ADTRP: variants seen among roughly 807,000 people sequenced by gnomAD.
The protein encoded by ADTRP is androgen-dependent TFPI-regulating protein.
A neutral mutation model predicts 27.0 loss-of-function variants in ADTRP; 20 were observed. The ratio of observed to expected loss-of-function variants is 0.74; its 90% CI spans 0.52 to 1.08. The LOEUF (loss-of-function observed/expected upper bound fraction) is 1.08. Among genes scored for constraint, ADTRP ranks in the 50% least tolerant of loss-of-function variants. ADTRP has a pLI of 0.00. For synonymous variants in ADTRP, 101 were observed against 105.2 expected, an observed-to-expected ratio of 0.96 and a Z score of 0.25; for missense variants, 251 against 275.0, an observed-to-expected ratio of 0.91 and a Z score of 0.62.
At chr6:11,738,345 C>G (rs995185310) in intron 3 of ADTRP, among the ~76,000 whole-genome samples, 3 of 152,194 alleles carry the variant, frequency 2.0e-5, no homozygotes, top group Non-Finnish European at 1.5e-5. Context: ...CGTTCCCAGT[C>G]AAGGCCACCT....
chr6:11,753,963 C>G (rs1388101530), intron 3 of ADTRP, among the ~76,000 whole-genome samples: 1 of 152,086 alleles, frequency 6.6e-6, no homozygotes, highest in Non-Finnish European at 1.5e-5. Flanking sequence ...GGAGGATGCA[C>G]CAACACACCC....
chr6:11,727,090 T>C (rs1243677427), intron 4 of ADTRP, among the ~76,000 whole-genome samples: 1 of 152,226 alleles, frequency 6.6e-6, no homozygotes, highest in African/African-American at 2.4e-5. Flanking sequence ...TGGTGCAATC[T>C]CGGCTCACTG....
rs140795688 is a variant in ADTRP at position 11,742,343 on chromosome 6, C to T, written c.391-6660G>A. On this transcript the variant is annotated intron_variant, in intron 3 of 5. Coordinates refer to ENST00000414691, the MANE Select transcript of ADTRP (RefSeq NM_032744.4). ...TTTTTAACTCTTTAATTTTTTCTCTCCCAATTAGCCCCATACATCTTTGAG... is the reference window on the plus strand; with the variant it reads ...TTTTTAACTCTTTAATTTTTTCTCTTCCAATTAGCCCCATACATCTTTGAG... 5.4e-3 allele frequency among the ~76,000 whole-genome samples: 818 copies of T among 152,130 alleles called. 6 individuals carry two copies. The highest frequency in any genetic ancestry group is 0.017 in the Middle Eastern group (5 of 294).
At chr6:11,752,982 C>A (rs183613988) in intron 3 of ADTRP, among the ~76,000 whole-genome samples, 1 of 152,058 alleles carries the variant, frequency 6.6e-6, no homozygotes, top group African/African-American at 2.4e-5. Context: ...GATAACAATG[C>A]GGAGAATTAA....
chr6:11,716,749 C>G (rs545837989), intron 5 of ADTRP, among the ~76,000 whole-genome samples: 1 of 136,720 alleles, frequency 7.3e-6, no homozygotes, highest in Non-Finnish European at 1.6e-5. Context: ...GGGTCTTCCT[C>G]TGTCACCCAG....
chr6:11,714,228 C>A lies in ADTRP; in HGVS notation c.*250G>T. ...GATTTTAACCAGAGACCATCCTCCA[C>A]GAAGGTCAAAGATAATTAATTCTGA... is the stretch of plus-strand genomic sequence containing the variant. On this transcript the variant is annotated 3_prime_UTR_variant, in exon 6 of 6. Transcript: ENST00000414691. 2.1e-6 allele frequency: 1 copy of A among 472,252 alleles called. No homozygotes were observed. The highest frequency in any genetic ancestry group is 3.8e-6 in the Non-Finnish European group (1 of 265,128). The allele number at this position is 472,252 out of a possible 1,614,324, so 29.3% of individuals were successfully genotyped here. A position where few individuals can be genotyped will look rare whatever the true frequency, so the allele number is the denominator to read the frequency against.
chr6:11,746,086 G>A lies in ADTRP; in HGVS notation c.391-10403C>T, dbSNP rs562113701. Among the ~76,000 whole-genome samples, 423 of 152,182 alleles carry A rather than the reference G, an allele frequency of 2.8e-3. 2 individuals carry two copies. The highest frequency in any genetic ancestry group is 4.2e-3 in the Non-Finnish European group (288 of 68,006). ...GATTTAGGCATGAGCCACCCCGCCC[G>A]TCCATGAACTTTTTTTTTCTTGCTA... On this transcript the variant is annotated intron_variant, in intron 3 of 5. Coordinates refer to ENST00000414691, the MANE Select transcript of ADTRP (RefSeq NM_032744.4).
intron 4 of ADTRP, among the ~76,000 whole-genome samples, chr6:11,734,812 T>G (rs1762497254): frequency 6.6e-6 from 1 of 152,170 alleles, no homozygotes; most frequent in Admixed American, 6.5e-5. Context: ...CACACATGAA[T>G]AGCTTGTGTG....
chr6:11,746,699 A>G (rs1310065971), intron 3 of ADTRP, among the ~76,000 whole-genome samples: 2 of 152,214 alleles, frequency 1.3e-5, no homozygotes, highest in Non-Finnish European at 2.9e-5. Flanking sequence ...GATGTGTCCA[A>G]TGTTGTGGAG....
intron 4 of ADTRP, among the ~76,000 whole-genome samples, chr6:11,735,291 T>G (rs1166885543): frequency 6.6e-6 from 1 of 152,210 alleles, no homozygotes. Context: ...GAAAGCAAGA[T>G]GAGTGGCTTT....
intron 1 of ADTRP, among the ~76,000 whole-genome samples, chr6:11,773,133 C>T (rs1222525533): frequency 2.0e-5 from 3 of 151,984 alleles, no homozygotes; most frequent in East Asian, 1.9e-4. Flanking sequence ...CAGAAATTGT[C>T]GGTGAGGTAT....
intron 3 of ADTRP, among the ~76,000 whole-genome samples, chr6:11,749,122 GA>G (rs1203555280): frequency 6.6e-6 from 1 of 152,190 alleles, no homozygotes; most frequent in African/African-American, 2.4e-5. Context: ...ACTAGAAAGT[GA>G]ACAGATTTGC....
intron 4 of ADTRP, among the ~76,000 whole-genome samples, chr6:11,730,673 A>G (rs1762354516): frequency 6.6e-6 from 1 of 152,184 alleles, no homozygotes; most frequent in Non-Finnish European, 1.5e-5. Flanking sequence ...TACCCTGGAG[A>G]GCACAGTATA....
chr6:11,765,794 C>G (rs1232460213), intron 3 of ADTRP, among the ~76,000 whole-genome samples: 1 of 152,062 alleles, frequency 6.6e-6, no homozygotes, highest in Non-Finnish European at 1.5e-5. Flanking sequence ...AATAAAAAAC[C>G]AAATGGAAAT....
chr6:11,754,284 A>T lies in ADTRP; in HGVS notation c.390+11990T>A, dbSNP rs140395340. 1.8e-3 allele frequency among the ~76,000 whole-genome samples: 281 copies of T among 152,332 alleles called. 3 individuals are homozygous for T. Among genetic ancestry groups the T allele is most frequent in the African/African-American group, 6.4e-3 (267 of 41,578 alleles). ...CCATTGTAAAGTTTTAGAGGAAATGATAAATCCAGCAAATGCATGAGAGTG... is the reference window on the plus strand; with the variant it reads ...CCATTGTAAAGTTTTAGAGGAAATGTTAAATCCAGCAAATGCATGAGAGTG... On this transcript the variant is annotated intron_variant, in intron 3 of 5. Coordinates refer to ENST00000414691, the MANE Select transcript of ADTRP (RefSeq NM_032744.4).
At position 11,771,388 on chromosome 6, in the gene ADTRP, G is replaced by C. The variant is rs754864422; in HGVS notation, c.154-3005C>G. On this transcript the variant is annotated intron_variant, in intron 1 of 5. Transcript: ENST00000414691. Reference sequence around the variant, plus strand: ...GAGGGAGGCACTAGGGAGCCGCCAAGGAAAAGAAACCTGCAAGAGCTGGGG... The same window carrying C: ...GAGGGAGGCACTAGGGAGCCGCCAACGAAAAGAAACCTGCAAGAGCTGGGG... Among the ~76,000 whole-genome samples, 64 of 152,192 alleles carry C rather than the reference G, an allele frequency of 4.2e-4. 2 individuals are homozygous for C. The highest frequency in any genetic ancestry group is 1.0e-4 in the Non-Finnish European group (7 of 68,040).
chr6:11,726,021 T>C (rs1172140288), intron 4 of ADTRP, among the ~76,000 whole-genome samples: 1 of 151,872 alleles, frequency 6.6e-6, no homozygotes, highest in African/African-American at 2.4e-5. Context: ...CACTGATAGA[T>C]GAATGGATAA....
chr6:11,745,977 G>C (rs955955334), intron 3 of ADTRP, among the ~76,000 whole-genome samples: 1 of 152,138 alleles, frequency 6.6e-6, no homozygotes, highest in African/African-American at 2.4e-5. Context: ...TTTTAGTAGA[G>C]ATGGGGTTTC....
chr6:11,765,328 T>G (rs1763532687), intron 3 of ADTRP, among the ~76,000 whole-genome samples: 4 of 142,914 alleles, frequency 2.8e-5, no homozygotes, highest in South Asian at 2.3e-4. Flanking sequence ...GGTTTGTTTT[T>G]TTTTTTTTTT....
Sources: allele counts gnomAD v4.1 joint callset (sites outside exome capture counted in the v4.1 genomes callset), GRCh38; gene constraint gnomAD v4.1.1; transcripts MANE v1.5; gene names NCBI Gene and HGNC (gene_info 2026-07-23, HGNC 2026-07-21).